The following INTS1 variants were observed in gnomAD, a reference collection of about 807,000 sequenced individuals.
The protein encoded by INTS1 is integrator complex subunit 1.
Under a neutral mutation model 241.6 loss-of-function variants are expected in INTS1, and 137 were observed. The ratio of observed to expected loss-of-function variants is 0.57; its 90% CI spans 0.49 to 0.65. INTS1 has a LOEUF of 0.65. Among genes scored for constraint, INTS1 ranks in the 30% least tolerant of loss-of-function variants. The pLI is 0.00. For missense variants in INTS1, 3,073 were observed against 3,032.2 expected, an observed-to-expected ratio of 1.01 and a Z score of -0.32; for synonymous variants, 1,692 against 1,337.8, an observed-to-expected ratio of 1.26 and a Z score of -5.78.
intron 5 of INTS1, 46 bp downstream of exon 5, chr7:1,499,838 C>A: frequency 6.3e-7 from 1 of 1,587,584 alleles, no homozygotes. Flanking sequence ...CCTGCCCCAC[C>A]CCGTGGCGCT....
At chr7:1,501,612 A>G (rs1783186196) in intron 3 of INTS1, among the ~76,000 whole-genome samples, 1 of 152,192 alleles carries the variant, frequency 6.6e-6, no homozygotes, top group South Asian at 2.1e-4. Context: ...AGTGCTAAAG[A>G]TAAATAAAGC....
intron 45 of INTS1, 125 bp downstream of exon 45, chr7:1,471,446 C>G (rs570857544): frequency 1.7e-6 from 2 of 1,152,596 alleles, no homozygotes; most frequent in East Asian, 2.5e-5. Flanking sequence ...GGCCCCCACC[C>G]GAAGCCCAGC....
At chr7:1,485,899 T>G (rs1450497155) in intron 22 of INTS1, among the ~76,000 whole-genome samples, 1 of 152,152 alleles carries the variant, frequency 6.6e-6, no homozygotes, top group African/African-American at 2.4e-5. Flanking sequence ...CCTCAAGTGA[T>G]TCTCCCATCT....
At chr7:1,474,565 TC>T in intron 40 of INTS1, 139 bp downstream of exon 40, 2 of 1,291,636 alleles carry the variant, frequency 1.5e-6, no homozygotes, top group Non-Finnish European at 1.0e-6. Context: ...AGTCCTGACT[TC>T]CCCCGGTCAA....
intron 21 of INTS1, 48 bp downstream of exon 21, chr7:1,486,874 G>A: frequency 6.3e-7 from 1 of 1,589,356 alleles, no homozygotes; most frequent in Non-Finnish European, 8.5e-7. Flanking sequence ...TGCCCTGACA[G>A]GGGTGCGGGG....
chr7:1,500,360 G>A lies in INTS1; in HGVS notation c.356C>T (p.Pro119Leu). 6.4e-7 allele frequency: 1 copy of A among 1,571,396 alleles called. No homozygotes were observed. The highest frequency in any genetic ancestry group is 8.6e-7 in the Non-Finnish European group (1 of 1,156,712). ...EPSVVPIEVL[P>L]TVLLDEIEAA... ...CTCGATCTCATCCAGCAGCACCGTGGGCAGCACTGGCCGGGGCAGGCGGTA... is the reference window on the plus strand; with the variant it reads ...CTCGATCTCATCCAGCAGCACCGTGAGCAGCACTGGCCGGGGCAGGCGGTA... The change falls in exon 4 of 48, where the codon CCC (proline) becomes CTC (leucine). Residue 119 changes from proline (P) to leucine (L), a missense_variant. Physicochemically the swap from Pro to Leu is moderately conservative, Grantham distance 98 (BLOSUM62 -3). Coordinates refer to ENST00000404767, the MANE Select transcript of INTS1 (RefSeq NM_001080453.3).
Position 1,473,655 on chromosome 7 carries a change from G to A in INTS1, c.5868C>T (p.Ile1956=), listed in dbSNP as rs769621604. 3 of 1,613,426 alleles carry A rather than the reference G, an allele frequency of 1.9e-6. No homozygotes were observed. Among genetic ancestry groups the A allele is most frequent in the Non-Finnish European group, 2.5e-6 (3 of 1,179,798 alleles). Residue 1956 remains isoleucine (I), a synonymous_variant, in exon 42 of 48, where the codon ATC becomes ATT. Coordinates refer to ENST00000404767, the MANE Select transcript of INTS1 (RefSeq NM_001080453.3). The stretch of plus-strand genomic sequence containing the variant: ...TATGGATGAACTGCACAAACTTGTT[G>A]ATGAAGGCAGCCAGATGGCGGGAGG... ...RKSSRHLAAF[I]NKFVQFIHKY... is the part of the protein sequence containing the mutation.
chr7:1,484,357 G>A lies in INTS1; in HGVS notation c.3262-187C>T, dbSNP rs557492414. Among the ~76,000 whole-genome samples, 26 of 152,294 alleles carry A rather than the reference G, an allele frequency of 1.7e-4. No homozygotes were observed. In the South Asian group the frequency reaches 3.9e-3, roughly 23 times the overall value. On this transcript the variant is annotated intron_variant, in intron 24 of 47. Transcript: ENST00000404767. ...GCTGGGTCGGACTCTCCAGGGGGGA[G>A]GGAGGACACGACTCTCACAGCCAGG... is the stretch of plus-strand genomic sequence containing the variant.
intron 39 of INTS1, among the ~76,000 whole-genome samples, chr7:1,475,093 A>T (rs985239461): frequency 6.6e-6 from 1 of 152,204 alleles, no homozygotes; most frequent in Non-Finnish European, 1.5e-5. Context: ...CCAAAACTAC[A>T]CATCGGCCAA....
intron 26 of INTS1, chr7:1,483,235 A>G (rs1001888440): frequency 3.1e-5 from 7 of 228,010 alleles, no homozygotes; most frequent in Admixed American, 1.5e-4. Context: ...GGAGCAGTTC[A>G]TGGTGTCAGC....
intron 24 of INTS1, 118 bp from the exon 25 acceptor site, chr7:1,484,288 G>A (rs1200711577): frequency 3.9e-5 from 42 of 1,084,864 alleles, no homozygotes; most frequent in Middle Eastern, 2.8e-4. Context: ...CCGCGGCACC[G>A]CAGACCCTCA....
chr7:1,486,856 G>A (rs1354045796), intron 21 of INTS1, 66 bp downstream of exon 21: 15 of 1,589,914 alleles, frequency 9.4e-6, no homozygotes, highest in Non-Finnish European at 1.3e-5. Context: ...GTGGGCTCAG[G>A]CATGGGTTGC....
intron 11 of INTS1, 119 bp from the exon 12 acceptor site, chr7:1,496,383 ACC>A (rs1441800875): frequency 8.1e-6 from 3 of 368,154 alleles, no homozygotes; most frequent in Non-Finnish European, 1.4e-5. Context: ...CCCACTCCAC[ACC>A]CACGTGGGCG....
rs201174459 is a variant in INTS1 at position 1,503,196 on chromosome 7, A to G, written c.59-5T>C. 1.4e-5 allele frequency: 21 copies of G among 1,520,572 alleles called. No individual in the cohort carries two copies. In the East Asian group the frequency reaches 4.8e-4, roughly 35 times the overall value. The allele number at this position is 1,520,572 out of a possible 1,614,324, so 94.2% of individuals were successfully genotyped here. Reference sequence around the variant, plus strand: ...AGTCTCCTGGGGGAGGGTGCCCTGCAGAGAAAGGAGAGAGAAAACCGGGCA... The same window carrying G: ...AGTCTCCTGGGGGAGGGTGCCCTGCGGAGAAAGGAGAGAGAAAACCGGGCA... On this transcript the variant is annotated splice_region_variant and splice_polypyrimidine_tract_variant and intron_variant, in intron 2 of 47. Coordinates refer to ENST00000404767, the MANE Select transcript of INTS1 (RefSeq NM_001080453.3).
chr7:1,503,729 G>A (rs187598764), intron 2 of INTS1, among the ~76,000 whole-genome samples, 174 bp downstream of exon 2: 19 of 152,324 alleles, frequency 1.2e-4, no homozygotes, highest in African/African-American at 4.3e-4. Context: ...AAGCCTCCCA[G>A]GGACTCTCAG....
Position 1,476,587 on chromosome 7 carries a change from C to A in INTS1, c.5134G>T (p.Asp1712Tyr). ...IHVPRIWQGR[D>Y]QRTPQKRREE... ...AGACCTGCCTGCGGGGTGCGCTGGT[C>A]CCGCCCCTGCCAGATGCGAGGAACA... is the stretch of plus-strand genomic sequence containing the variant. The change falls in exon 37 of 48, where the codon GAC becomes TAC. Residue 1712 changes from aspartate to tyrosine, a missense_variant. Physicochemically the swap from Asp to Tyr is radical, Grantham distance 160 (BLOSUM62 -3). Transcript: ENST00000404767. 1 of 1,612,324 alleles carries A rather than the reference C, an allele frequency of 6.2e-7. No homozygotes were observed. Among genetic ancestry groups the A allele is most frequent in the Non-Finnish European group, 8.5e-7 (1 of 1,179,724 alleles).
Position 1,487,789 on chromosome 7 carries a change from G to C in INTS1, c.2487C>G (p.Leu829=). The change falls in exon 19 of 48, where the codon CTC becomes CTG. Residue 829 remains leucine (L), a synonymous_variant. Coordinates refer to ENST00000404767, the MANE Select transcript of INTS1 (RefSeq NM_001080453.3). ...KQTITESSSL[L]LSQLTSLDPQ... ...GGTCCAGGCTGGTGAGCTGCGACAG[G>C]AGGAGGCTGCTGCTCTCAGTGATGG... The C allele has an allele frequency of 1.2e-6, 2 of 1,610,932 alleles. No individual in the cohort carries two copies. The highest frequency in any genetic ancestry group is 2.2e-5 in the South Asian group (2 of 91,080).
At position 1,470,928 on chromosome 7, in the gene INTS1, G is replaced by A. The variant is rs759782397; in HGVS notation, c.6375C>T (p.Phe2125=). ...PSIAAAFLPT[F]MYCLGSQDFE... is the part of the protein sequence containing the mutation. ...AGTCCTGGCTGCCCAGGCAGTACAT[G>A]AACGTGGGCAGGAAAGCGGCTGCAA... Residue 2125 remains phenylalanine, a synonymous_variant, in exon 47 of 48, where the codon TTC becomes TTT. Transcript: ENST00000404767. The A allele has an allele frequency of 1.3e-6, 2 of 1,578,814 alleles. No homozygotes were observed. The highest frequency in any genetic ancestry group is 2.3e-5 in the South Asian group (2 of 86,420).
At chr7:1,482,518 C>A in intron 27 of INTS1, 28 bp downstream of exon 27, 1 of 1,577,664 alleles carries the variant, frequency 6.3e-7, no homozygotes, top group East Asian at 2.3e-5. Context: ...AGTCAGCAGC[C>A]CCTGCCCAAG....
Sources: allele counts gnomAD v4.1 joint callset (sites outside exome capture counted in the v4.1 genomes callset), GRCh38; gene constraint gnomAD v4.1.1; transcripts MANE v1.5; gene names NCBI Gene and HGNC (gene_info 2026-07-23, HGNC 2026-07-21).